Variants in LINGO3 observed in about 807,000 individuals in gnomAD.
The protein encoded by LINGO3 is leucine rich repeat and Ig domain containing 3, also known as leucine-rich repeat and immunoglobulin-like domain-containing nogo receptor-interacting protein 3.
For synonymous variants in LINGO3, 427 were observed against 444.2 expected, an observed-to-expected ratio of 0.96 and a Z score of 0.49; for missense variants, 750 against 867.7, an observed-to-expected ratio of 0.86 and a Z score of 1.70.
At chr19:2,296,864 A>G (rs62119710), upstream of LINGO3, among the ~76,000 whole-genome samples, 130,701 of 150,522 alleles carry the variant, frequency 0.87, 56,909 homozygotes, top group African/African-American at 0.93. Context: ...CGAGGCGGGC[A>G]GATCACAAGG....
chr19:2,306,659 G>T, the LINGO3 span, among the ~76,000 whole-genome samples: 1 of 152,210 alleles, frequency 6.6e-6, no homozygotes, highest in South Asian at 2.1e-4. Flanking sequence ...ATCCCATGTG[G>T]GGTGGATCTG....
At chr19:2,296,557 C>CA (rs1224585759), upstream of LINGO3, among the ~76,000 whole-genome samples, 3 of 152,168 alleles carry the variant, frequency 2.0e-5, no homozygotes, top group Admixed American at 2.0e-4. Context: ...CAGCTCACTG[C>CA]AACCTCCACC....
At chr19:2,304,301 A>G in the LINGO3 span, among the ~76,000 whole-genome samples, 1 of 152,188 alleles carries the variant, frequency 6.6e-6, no homozygotes, top group East Asian at 1.9e-4. Flanking sequence ...CGACTGTCAC[A>G]TGGCAGGCCA....
At chr19:2,305,210 T>C in the LINGO3 span, among the ~76,000 whole-genome samples, 1 of 152,116 alleles carries the variant, frequency 6.6e-6, no homozygotes, top group African/African-American at 2.4e-5. Flanking sequence ...GCAGGGGACA[T>C]TGACCTCTCC....
chr19:2,293,528 T>A (rs1478902256), upstream of LINGO3, among the ~76,000 whole-genome samples: 1 of 151,614 alleles, frequency 6.6e-6, no homozygotes, highest in Non-Finnish European at 1.5e-5. Context: ...CCCAGCTAAT[T>A]TTTGTAGTTT....
upstream of LINGO3, among the ~76,000 whole-genome samples, chr19:2,295,162 C>A (rs1283025060): frequency 6.6e-6 from 1 of 152,182 alleles, no homozygotes; most frequent in Non-Finnish European, 1.5e-5. Flanking sequence ...TTGTATCTTG[C>A]AGCTGTAATT....
chr19:2,306,081 G>A, the LINGO3 span, among the ~76,000 whole-genome samples: 2 of 152,344 alleles, frequency 1.3e-5, no homozygotes, highest in East Asian at 3.9e-4. Context: ...CTGCAGGCAG[G>A]GCCTCTGGAT....
chr19:2,291,920 C>T, exon 1 of LINGO3: 1 of 705,302 alleles, frequency 1.4e-6, no homozygotes, highest in East Asian at 3.3e-5. Context: ...AGCACGGCGG[C>T]TCGCTCCTGT....
upstream of LINGO3, among the ~76,000 whole-genome samples, chr19:2,294,534 G>C (rs1385745882): frequency 6.6e-6 from 1 of 152,142 alleles, no homozygotes; most frequent in South Asian, 2.1e-4. This position sits in a 1 kb window ranked among gnomAD's most constrained non-coding sequence, Gnocchi z 4.3. Flanking sequence ...AAGGGTGTGT[G>C]GGCTGGGGGA....
the LINGO3 span, among the ~76,000 whole-genome samples, chr19:2,297,752 A>C: frequency 6.8e-6 from 1 of 146,124 alleles, no homozygotes; most frequent in Middle Eastern, 4.1e-3. Flanking sequence ...TTACAGGCAT[A>C]CGCCACCACG....
chr19:2,304,397 G>A, the LINGO3 span, among the ~76,000 whole-genome samples: 3 of 152,130 alleles, frequency 2.0e-5, no homozygotes, highest in Admixed American at 2.0e-4. Flanking sequence ...ACAGCCAGCC[G>A]GTTCTAATCC....
At chr19:2,300,311 T>C in the LINGO3 span, among the ~76,000 whole-genome samples, 2 of 151,932 alleles carry the variant, frequency 1.3e-5, no homozygotes, top group Non-Finnish European at 2.9e-5. Context: ...GGATGACAGG[T>C]ATGAGCCACT....
upstream of LINGO3, among the ~76,000 whole-genome samples, chr19:2,293,876 A>C (rs1190397027): frequency 1.3e-5 from 2 of 151,490 alleles, no homozygotes; most frequent in African/African-American, 4.9e-5. Flanking sequence ...AACATGGGGA[A>C]CCCCCGTCTC....
At chr19:2,291,423 C>T (rs370489824) in exon 1 of LINGO3, 156 of 1,613,260 alleles carry the variant, frequency 9.7e-5, no homozygotes, top group Non-Finnish European at 1.2e-4. Flanking sequence ...AGACCCCGGG[C>T]GGGATGAGCT....
downstream of LINGO3, among the ~76,000 whole-genome samples, chr19:2,288,285 C>A (rs2025483937): frequency 6.6e-6 from 1 of 152,244 alleles, no homozygotes; most frequent in Non-Finnish European, 1.5e-5. This position sits in a 1 kb window ranked among gnomAD's most constrained non-coding sequence, Gnocchi z 6.5. Context: ...GGCCTCCCTG[C>A]AGGGTGAAGC....
At chr19:2,293,921 C>T (rs904618557), upstream of LINGO3, among the ~76,000 whole-genome samples, 3 of 151,932 alleles carry the variant, frequency 2.0e-5, no homozygotes, top group African/African-American at 4.8e-5. Context: ...GGCGTGGTGG[C>T]GCGCATCTAT....
the LINGO3 span, among the ~76,000 whole-genome samples, chr19:2,300,285 G>C: frequency 8.5e-5 from 13 of 152,146 alleles, no homozygotes; most frequent in East Asian, 2.5e-3. Context: ...ACCTGCCTCA[G>C]CCTCCCAAGG....
the LINGO3 span, among the ~76,000 whole-genome samples, chr19:2,299,414 AT>A: frequency 2.0e-5 from 3 of 151,644 alleles, no homozygotes; most frequent in Non-Finnish European, 4.4e-5. Context: ...CTGGTCTCTT[AT>A]TTTTTATTTT....
chr19:2,291,481 G>C, exon 1 of LINGO3: 1 of 1,612,440 alleles, frequency 6.2e-7, no homozygotes, highest in South Asian at 1.1e-5. Context: ...CGGCAGGTTG[G>C]CGAAGGCGCC....
Sources: allele counts gnomAD v4.1 joint callset (sites outside exome capture counted in the v4.1 genomes callset), GRCh38; gene constraint gnomAD v4.1.1; non-coding constraint Gnocchi (gnomAD v3.1); transcripts MANE v1.5; gene names NCBI Gene and HGNC (gene_info 2026-07-23, HGNC 2026-07-21).